Variants in PCYT1A observed in about 807,000 individuals in gnomAD.
PCYT1A encodes choline-phosphate cytidylyltransferase A.
A neutral mutation model predicts 43.7 loss-of-function variants in PCYT1A; 25 were observed. The observed-to-expected ratio is 0.57, with a 90% confidence interval of 0.42 to 0.80. The LOEUF (loss-of-function observed/expected upper bound fraction) is 0.80, where lower values mean the gene tolerates loss of function less well. PCYT1A is among the 30% of genes least tolerant of loss of function. The pLI is 0.00. For synonymous variants in PCYT1A, 172 were observed against 170.7 expected (o/e 1.01, Z -0.06); for missense variants, 421 against 474.2 (o/e 0.89, Z 1.04).
chr3:196,273,545 A>C lies in PCYT1A; in HGVS notation c.-10-3004T>G, dbSNP rs2108779208. Among the ~76,000 whole-genome samples, 1 of 152,300 alleles carries C rather than the reference A, an allele frequency of 6.6e-6. No homozygotes were observed. Among genetic ancestry groups the C allele is most frequent in the African/African-American group, 2.4e-5 (1 of 41,554 alleles). On this transcript the variant is annotated intron_variant, in intron 1 of 8. Transcript: ENST00000431016. The surrounding 1 kb of genome is among the most constrained non-coding windows in gnomAD (Gnocchi z 4.1). ...GCTCCTTTCCGCAGCAGGTCGTCCC[A>C]GCATCTGTGCAGCCCTCAGCGGAGA...
rs1013486573 is a variant in PCYT1A, at chr3:196,247,930, G to A, written c.334+277C>T. The A allele has an allele frequency of 2.0e-6, 1 of 506,342 alleles. No homozygotes were observed. The highest frequency in any genetic ancestry group is 3.7e-5 in the East Asian group (1 of 27,310). The allele number at this position is 506,342 out of a possible 1,614,324, so 31.4% of individuals were successfully genotyped here. A position where few individuals can be genotyped will look rare whatever the true frequency, so the allele number is the denominator to read the frequency against. ...TGATAAACTGAAATCTAAAGCAAAT[G>A]TTTTAAAGTGGACAACGGAAGTCAC... On this transcript the variant is annotated intron_variant, in intron 4 of 8. Coordinates refer to ENST00000431016, the MANE Select transcript of PCYT1A (RefSeq NM_001312673.2). This position sits in a 1 kb window ranked among gnomAD's most constrained non-coding sequence, Gnocchi z 4.8.
At position 196,239,800 on chromosome 3, in the gene PCYT1A, C is replaced by T. The variant is rs558796823; in HGVS notation, c.709-65G>A. On this transcript the variant is annotated intron_variant, in intron 7 of 8. Transcript: ENST00000431016. ...CCTAAACTTCTCTACCATAAGAGAA[C>T]GAAAAAACATGGCTCAAGCACTCAA... 2.9e-4 allele frequency: 325 copies of T among 1,107,742 alleles called. 1 individual carries two copies. The highest frequency in any genetic ancestry group is 1.2e-3 in the Middle Eastern group (6 of 4,944). 68.6% of individuals were successfully genotyped at this position (1,107,742 alleles called of 1,614,324 possible).
chr3:196,258,212 G>A (rs929709242), intron 2 of PCYT1A, among the ~76,000 whole-genome samples: 2 of 151,522 alleles, frequency 1.3e-5, no homozygotes, highest in African/African-American at 4.9e-5. Context: ...CTTGAACCCG[G>A]GAGGCAGAGG....
chr3:196,278,895 C>T (rs1468599066), intron 1 of PCYT1A, among the ~76,000 whole-genome samples: 9 of 150,112 alleles, frequency 6.0e-5, no homozygotes, highest in Admixed American at 2.0e-4. Flanking sequence ...GTGGCAGAAT[C>T]GCTTGAACCC....
intron 2 of PCYT1A, among the ~76,000 whole-genome samples, chr3:196,264,312 C>A (rs1362054929): frequency 1.3e-5 from 2 of 152,134 alleles, no homozygotes; most frequent in Non-Finnish European, 2.9e-5. Context: ...TGCTCTCAAA[C>A]TCCTGGGCTC....
chr3:196,286,024 C>T (rs1279166101), intron 1 of PCYT1A, among the ~76,000 whole-genome samples: 1 of 151,380 alleles, frequency 6.6e-6, no homozygotes, highest in Non-Finnish European at 1.5e-5. Flanking sequence ...CCCCTAAATC[C>T]TCACTGCCTC....
rs557927511 is a variant in PCYT1A at position 196,252,076 on chromosome 3, CTACAG to C, written c.218-3758_218-3754del. 4.3e-3 allele frequency among the ~76,000 whole-genome samples: 651 copies of C among 151,302 alleles called. 14 individuals carry two copies. The South Asian group carries it at 0.069, about 16-fold the overall frequency. On this transcript the variant is annotated intron_variant, in intron 3 of 8. Coordinates refer to ENST00000431016, the MANE Select transcript of PCYT1A (RefSeq NM_001312673.2). This position sits in a 1 kb window ranked among gnomAD's most constrained non-coding sequence, Gnocchi z 4.0. The stretch of plus-strand genomic sequence containing the variant: ...AGCGCACACCACCACGCCCCGCTGA[CTACAG>C]CGCACCCCGCCACGCCCCGCAGACT...
At position 196,259,266 on chromosome 3, in the gene PCYT1A, TAA is replaced by T. The variant is rs533090772; in HGVS notation, c.118-1381_118-1380del. ...CTTTTTTTTCTTTTTTAACTTGATATAAGTCTATTAAGATTTTCTCCTTTGTC... is the reference window on the plus strand; with the variant it reads ...CTTTTTTTTCTTTTTTAACTTGATATGTCTATTAAGATTTTCTCCTTTGTC... On this transcript the variant is annotated intron_variant, in intron 2 of 8. Transcript: ENST00000431016. Among the ~76,000 whole-genome samples the T allele has an allele frequency of 3.9e-5, 6 of 152,332 alleles. No homozygotes were observed. The South Asian group carries it at 8.3e-4, about 21-fold the overall frequency.
intron 1 of PCYT1A, among the ~76,000 whole-genome samples, chr3:196,280,660 A>G (rs1259639352): frequency 2.2e-5 from 3 of 137,352 alleles, no homozygotes; most frequent in Non-Finnish European, 3.0e-5. Context: ...GGCTGACTCT[A>G]CTTTGTTTTC....
At chr3:196,241,812 CAT>C in intron 7 of PCYT1A, 134 bp downstream of exon 7, 1 of 1,212,048 alleles carries the variant, frequency 8.3e-7, no homozygotes. Flanking sequence ...GAACAGTTAA[CAT>C]AGTGGTAATT....
intron 3 of PCYT1A, among the ~76,000 whole-genome samples, chr3:196,249,974 C>T (rs72611187): frequency 0.22 from 31,310 of 143,828 alleles, 5,377 homozygotes; most frequent in East Asian, 0.77. Context: ...GGTTGAGTAC[C>T]ACATACACTA....
At chr3:196,263,505 C>G (rs995989765) in intron 2 of PCYT1A, among the ~76,000 whole-genome samples, 3 of 152,306 alleles carry the variant, frequency 2.0e-5, no homozygotes, top group South Asian at 2.1e-4. Flanking sequence ...GCATGAGCCA[C>G]TGTGCTTGGC....
At chr3:196,286,634 G>A (rs563927757) in intron 1 of PCYT1A, among the ~76,000 whole-genome samples, 1 of 152,130 alleles carries the variant, frequency 6.6e-6, no homozygotes, top group African/African-American at 2.4e-5. Flanking sequence ...ACAGGTTCAG[G>A]CCAGGCGCGG....
rs958372315 is a variant in PCYT1A, at chr3:196,251,050, G to A, written c.218-2727C>T. Among the ~76,000 whole-genome samples the A allele has an allele frequency of 3.3e-5, 5 of 151,376 alleles. No homozygotes were observed. The South Asian group carries it at 1.1e-3, about 32-fold the overall frequency. On this transcript the variant is annotated intron_variant, in intron 3 of 8. Coordinates refer to ENST00000431016, the MANE Select transcript of PCYT1A (RefSeq NM_001312673.2). ...TGAGGACCAGATACACCATGCTGAG[G>A]CTGAGGACCAGATACACCATGCTGA...
rs554758338 is a variant in PCYT1A, at chr3:196,252,070, C to T, written c.218-3747G>A. ...GACTACAGCGCACACCACCACGCCC[C>T]GCTGACTACAGCGCACCCCGCCACG... On this transcript the variant is annotated intron_variant, in intron 3 of 8. Coordinates refer to ENST00000431016, the MANE Select transcript of PCYT1A (RefSeq NM_001312673.2). This position sits in a 1 kb window ranked among gnomAD's most constrained non-coding sequence, Gnocchi z 4.0. Among the ~76,000 whole-genome samples the T allele has an allele frequency of 2.7e-3, 412 of 150,448 alleles. 2 individuals carry two copies. The highest frequency in any genetic ancestry group is 4.9e-3 in the Non-Finnish European group (332 of 67,848).
intron 1 of PCYT1A, among the ~76,000 whole-genome samples, chr3:196,283,308 G>A (rs1725821779): frequency 6.6e-6 from 1 of 151,922 alleles, no homozygotes; most frequent in African/African-American, 2.4e-5. Context: ...TGGGCAACAA[G>A]GCAAGACTTG....
chr3:196,249,995 C>A (rs968204036), intron 3 of PCYT1A, among the ~76,000 whole-genome samples: 17 of 136,194 alleles, frequency 1.2e-4, no homozygotes, highest in Non-Finnish European at 2.4e-4. Context: ...TGCTGAGGAT[C>A]AGGTACACCA....
intron 7 of PCYT1A, 80 bp from the exon 8 acceptor site, chr3:196,239,815 C>A: frequency 2.2e-6 from 2 of 912,700 alleles, no homozygotes. Flanking sequence ...AAACATGGCT[C>A]AAGCACTCAA....
rs1725447660 is a variant in PCYT1A at position 196,272,195 on chromosome 3, T to C, written c.-10-1654A>G. Among the ~76,000 whole-genome samples the C allele has an allele frequency of 1.4e-5, 2 of 145,048 alleles. 1 individual carries two copies. Among genetic ancestry groups the C allele is most frequent in the Non-Finnish European group, 3.0e-5 (2 of 66,038 alleles). On this transcript the variant is annotated intron_variant, in intron 1 of 8. Coordinates refer to ENST00000431016, the MANE Select transcript of PCYT1A (RefSeq NM_001312673.2). ...TGTCCTTCTCCTTCTTTCCTTTTTT[T>C]TTTTTTTGAGAAAGAGTCTCACTCC...
Sources: allele counts gnomAD v4.1 joint callset (sites outside exome capture counted in the v4.1 genomes callset), GRCh38; gene constraint gnomAD v4.1.1; non-coding constraint Gnocchi (gnomAD v3.1); transcripts MANE v1.5; gene names NCBI Gene and HGNC (gene_info 2026-07-23, HGNC 2026-07-21).